CYTH4: variants seen among roughly 807,000 people sequenced by gnomAD.
CYTH4 encodes the protein cytohesin 4.
Under a neutral mutation model 57.5 loss-of-function variants are expected in CYTH4, and 22 were observed. The ratio of observed to expected loss-of-function variants is 0.38; its 90% confidence interval spans 0.27 to 0.55. The LOEUF (loss-of-function observed/expected upper bound fraction) is 0.55, where lower values mean the gene tolerates loss of function less well. Ranked by LOEUF, CYTH4 falls within the 20% of genes least tolerant of loss-of-function variation. The probability of loss-of-function intolerance (pLI) is 0.74; values close to 1 mark genes in which losing one functional copy is unlikely to be tolerated. For synonymous variants in CYTH4, 186 were observed against 206.5 expected (o/e 0.90, Z 0.85); for missense variants, 420 against 535.6 (o/e 0.78, Z 2.13).
At chr22:37,296,761 C>A (rs1214989122) in intron 4 of CYTH4, among the ~76,000 whole-genome samples, 1 of 152,176 alleles carries the variant, frequency 6.6e-6, no homozygotes, top group African/African-American at 2.4e-5. Flanking sequence ...ACTCCTGCTC[C>A]TACCCACAGA....
chr22:37,290,210 A>C (rs766814381), intron 1 of CYTH4, among the ~76,000 whole-genome samples: 3 of 152,020 alleles, frequency 2.0e-5, no homozygotes, highest in Non-Finnish European at 2.9e-5. Flanking sequence ...ATGTACCCCC[A>C]CTCAAATGTG....
intron 1 of CYTH4, among the ~76,000 whole-genome samples, chr22:37,290,394 T>C (rs919449124): frequency 2.4e-4 from 36 of 152,346 alleles, no homozygotes; most frequent in African/African-American, 8.7e-4. Context: ...GCCACAATGT[T>C]GCAGGACTCT....
Position 37,295,402 on chromosome 22 carries a change from A to C in CYTH4, c.168-597A>C, listed in dbSNP as rs1014030010. 2.8e-5 allele frequency among the ~76,000 whole-genome samples: 4 copies of C among 140,524 alleles called. No homozygotes were observed. The highest frequency in any genetic ancestry group is 1.3e-4 in the African/African-American group (4 of 31,576). 92.2% of individuals were successfully genotyped at this position (140,524 alleles called of 152,430 possible). ...TGCACACACACACACGCATGCACACACACACAAGCATGCACACACACACAA... is the reference window on the plus strand; with the variant it reads ...TGCACACACACACACGCATGCACACCCACACAAGCATGCACACACACACAA... On this transcript the variant is annotated intron_variant, in intron 3 of 12. Transcript: ENST00000248901. This position sits in a 1 kb window ranked among gnomAD's most constrained non-coding sequence, Gnocchi z 4.1.
intron 9 of CYTH4, 99 bp from the exon 10 acceptor site, chr22:37,310,889 G>T: frequency 7.7e-7 from 1 of 1,294,014 alleles, no homozygotes; most frequent in Non-Finnish European, 1.1e-6. Context: ...ACTCAGCTGG[G>T]GGTCCAGGGG....
At chr22:37,310,178 C>T (rs1399822676) in intron 9 of CYTH4, 3 of 336,068 alleles carry the variant, frequency 8.9e-6, no homozygotes, top group African/African-American at 2.2e-5. Context: ...TGACTCTCCA[C>T]ACCACACCCC....
intron 2 of CYTH4, 40 bp from the exon 3 acceptor site, chr22:37,294,620 C>T (rs1415804261): frequency 6.2e-7 from 1 of 1,611,222 alleles, no homozygotes; most frequent in Non-Finnish European, 8.5e-7. Context: ...TTCTGGCCTC[C>T]ACCCCTGACT....
At chr22:37,286,029 C>T (rs1490200757) in intron 1 of CYTH4, among the ~76,000 whole-genome samples, 6 of 152,202 alleles carry the variant, frequency 3.9e-5, no homozygotes, top group African/African-American at 1.2e-4. Flanking sequence ...AACCTGCTCA[C>T]TATTCCCATG....
Position 37,309,161 on chromosome 22 carries a change from G to A in CYTH4, c.697-51G>A, listed in dbSNP as rs775581422. The A allele has an allele frequency of 2.6e-6, 4 of 1,566,714 alleles. No individual in the cohort carries two copies. In the Admixed American group the frequency reaches 6.7e-5, roughly 26 times the overall value. On this transcript the variant is annotated intron_variant, in intron 8 of 12. Transcript: ENST00000248901. ...ACAGGCCAGGCCAGGCCTAGGCCTT[G>A]GACTCGGGTGGACTCACAGCCAGGT...
chr22:37,283,766 G>A (rs1470632469), intron 1 of CYTH4, among the ~76,000 whole-genome samples: 4 of 152,124 alleles, frequency 2.6e-5, no homozygotes, highest in Admixed American at 2.6e-4. Context: ...GGGCTTTGGG[G>A]GCTCCCAAAA....
intron 12 of CYTH4, among the ~76,000 whole-genome samples, chr22:37,312,626 G>T (rs888434264): frequency 6.6e-6 from 1 of 152,346 alleles, no homozygotes; most frequent in East Asian, 1.9e-4. Context: ...GTGAGGCTAA[G>T]CAGTGTGGGA....
intron 1 of CYTH4, among the ~76,000 whole-genome samples, chr22:37,290,566 C>A (rs1427138237): frequency 6.6e-6 from 1 of 152,126 alleles, no homozygotes; most frequent in African/African-American, 2.4e-5. Context: ...AGTGCAGTGG[C>A]ATGATCTGGG....
intron 1 of CYTH4, among the ~76,000 whole-genome samples, chr22:37,283,130 C>A (rs1021319598): frequency 5.9e-5 from 9 of 152,144 alleles, no homozygotes; most frequent in African/African-American, 2.2e-4. Flanking sequence ...GGCCTTGAGG[C>A]CCCTTTTTGG....
In CYTH4 at chr22:37,313,551, G is replaced by T; in HGVS notation, c.*40G>T. The T allele has an allele frequency of 6.3e-7, 1 of 1,595,634 alleles. No individual in the cohort carries two copies. The highest frequency in any genetic ancestry group is 8.6e-7 in the Non-Finnish European group (1 of 1,163,394). On this transcript the variant is annotated 3_prime_UTR_variant, in exon 13 of 13. Transcript: ENST00000248901. ...GCACTGGGGGCTGGTCACCCTGAGA[G>T]TCCCATCGCCTGCAGCACCTGGAGA...
Position 37,295,450 on chromosome 22 carries a change from G to C in CYTH4, c.168-549G>C, listed in dbSNP as rs1778067928. On this transcript the variant is annotated intron_variant, in intron 3 of 12. Transcript: ENST00000248901. This position sits in a 1 kb window ranked among gnomAD's most constrained non-coding sequence, Gnocchi z 4.1. Reference sequence around the variant, plus strand: ...CAAGCATGCACACACACACAAGCATGCACACACACGAGTGGCCGTTTCTCC... The same window carrying C: ...CAAGCATGCACACACACACAAGCATCCACACACACGAGTGGCCGTTTCTCC... Among the ~76,000 whole-genome samples the C allele has an allele frequency of 6.6e-6, 1 of 151,702 alleles. No individual in the cohort carries two copies. The highest frequency in any genetic ancestry group is 2.4e-5 in the African/African-American group (1 of 41,194).
intron 1 of CYTH4, among the ~76,000 whole-genome samples, chr22:37,291,324 A>C (rs1243194919): frequency 3.3e-5 from 5 of 152,220 alleles, no homozygotes; most frequent in Non-Finnish European, 7.3e-5. Flanking sequence ...ATGGGGCTTT[A>C]ATCTCAACAG....
intron 12 of CYTH4, among the ~76,000 whole-genome samples, chr22:37,312,530 T>C (rs1018419882): frequency 3.9e-5 from 6 of 152,208 alleles, no homozygotes; most frequent in Admixed American, 3.9e-4. Flanking sequence ...AGGGAAGGGC[T>C]TTCCAGATAA....
chr22:37,288,646 A>C (rs1601696567), intron 1 of CYTH4, among the ~76,000 whole-genome samples: 1 of 150,660 alleles, frequency 6.6e-6, no homozygotes, highest in Non-Finnish European at 1.5e-5. Flanking sequence ...GGCCACTCCC[A>C]CTCCTACCCC....
intron 1 of CYTH4, among the ~76,000 whole-genome samples, chr22:37,288,460 C>T (rs1928631059): frequency 1.3e-5 from 2 of 152,072 alleles, no homozygotes; most frequent in South Asian, 4.2e-4. Context: ...GTGGTGCATG[C>T]CTGTGATCCC....
chr22:37,306,335 G>C (rs993516845), intron 8 of CYTH4, among the ~76,000 whole-genome samples: 3 of 152,180 alleles, frequency 2.0e-5, no homozygotes, highest in Non-Finnish European at 4.4e-5. Context: ...TGCACCTCCT[G>C]GGTCCTTGCC....
Sources: allele counts gnomAD v4.1 joint callset (sites outside exome capture counted in the v4.1 genomes callset), GRCh38; gene constraint gnomAD v4.1.1; non-coding constraint Gnocchi (gnomAD v3.1); transcripts MANE v1.5; gene names NCBI Gene and HGNC (gene_info 2026-07-23, HGNC 2026-07-21).